Variants in ST6GALNAC3 observed in about 807,000 individuals in gnomAD.
ST6GALNAC3 encodes alpha-N-acetylgalactosaminide alpha-2,6-sialyltransferase 3.
In ST6GALNAC3, 25 loss-of-function variants were observed where a neutral mutation model predicts 32.7. The observed-to-expected ratio is 0.76, with a 90% CI of 0.56 to 1.07. ST6GALNAC3 has a LOEUF of 1.07. Ranked by LOEUF, ST6GALNAC3 falls within the 50% of genes least tolerant of loss-of-function variation. The probability of loss-of-function intolerance (pLI) is 0.00; values close to 1 mark genes in which losing one functional copy is unlikely to be tolerated. For missense variants in ST6GALNAC3, 355 were observed against 382.4 expected, an observed-to-expected ratio of 0.93 and a Z score of 0.60; for synonymous variants, 129 against 133.1, an observed-to-expected ratio of 0.97 and a Z score of 0.21.
At chr1:76,548,647 C>T (rs1664439478) in intron 3 of ST6GALNAC3, among the ~76,000 whole-genome samples, 2 of 152,086 alleles carry the variant, frequency 1.3e-5, no homozygotes, top group Non-Finnish European at 2.9e-5. Flanking sequence ...GTGTCACGTG[C>T]AAGATAGTCT....
chr1:76,615,878 G>A lies in ST6GALNAC3; in HGVS notation c.624-11574G>A, dbSNP rs534764606. On this transcript the variant is annotated intron_variant, in intron 3 of 4. Coordinates refer to ENST00000328299, the MANE Select transcript of ST6GALNAC3 (RefSeq NM_152996.4). ...GTGAAAGTTATCTGTCCTGCTTGAG[G>A]GAAAGAAATTACTACTGTTTTCTTC... Among the ~76,000 whole-genome samples the A allele has an allele frequency of 2.0e-5, 3 of 151,992 alleles. No homozygotes were observed. In the South Asian group the frequency reaches 6.2e-4, roughly 32 times the overall value.
chr1:76,310,509 G>A (rs1646740944), intron 1 of ST6GALNAC3, among the ~76,000 whole-genome samples: 2 of 152,092 alleles, frequency 1.3e-5, no homozygotes, highest in Admixed American at 1.3e-4. Flanking sequence ...CCAAATTATG[G>A]GAGGTGAGCA....
In ST6GALNAC3 at chr1:76,382,950, C is replaced by G. The variant is rs1320661538; in HGVS notation, c.214-29058C>G. On this transcript the variant is annotated intron_variant, in intron 2 of 4. Coordinates refer to ENST00000328299, the MANE Select transcript of ST6GALNAC3 (RefSeq NM_152996.4). ...AGCATAACTACAAATAAAAACTTACCTAGGTACGTTAGAACGAAACTGCTG... is the reference window on the plus strand; with the variant it reads ...AGCATAACTACAAATAAAAACTTACGTAGGTACGTTAGAACGAAACTGCTG... 2.6e-5 allele frequency among the ~76,000 whole-genome samples: 4 copies of G among 152,188 alleles called. No homozygotes were observed. In the East Asian group the frequency reaches 7.7e-4, roughly 29 times the overall value.
chr1:76,209,284 G>A (rs771821530), intron 1 of ST6GALNAC3, among the ~76,000 whole-genome samples: 30 of 152,300 alleles, frequency 2.0e-4, no homozygotes, highest in East Asian at 3.9e-4. Context: ...TGATAAAAGC[G>A]TGAATGTTTT....
intron 2 of ST6GALNAC3, among the ~76,000 whole-genome samples, chr1:76,364,019 A>C (rs1650170714): frequency 1.3e-5 from 2 of 152,220 alleles, no homozygotes; most frequent in South Asian, 4.1e-4. Flanking sequence ...ATACAGACCC[A>C]AAGCACCTTA....
At chr1:76,373,680 T>G (rs1401777062) in intron 2 of ST6GALNAC3, among the ~76,000 whole-genome samples, 1 of 152,186 alleles carries the variant, frequency 6.6e-6, no homozygotes, top group Non-Finnish European at 1.5e-5. Flanking sequence ...TACACATAAA[T>G]TTGGTTCAGG....
At chr1:76,184,865 G>T (rs1031037055) in intron 1 of ST6GALNAC3, among the ~76,000 whole-genome samples, 7 of 152,140 alleles carry the variant, frequency 4.6e-5, no homozygotes, top group Non-Finnish European at 1.0e-4. Flanking sequence ...TACAGGTAAA[G>T]ATTTGCTTTA....
At chr1:76,612,240 T>G (rs974189805) in intron 3 of ST6GALNAC3, among the ~76,000 whole-genome samples, 3 of 152,168 alleles carry the variant, frequency 2.0e-5, no homozygotes, top group African/African-American at 7.2e-5. Context: ...GGTCACCATT[T>G]CATTCCCCTC....
At chr1:76,433,851 G>C (rs1376793433) in intron 3 of ST6GALNAC3, among the ~76,000 whole-genome samples, 1 of 152,220 alleles carries the variant, frequency 6.6e-6, no homozygotes, top group African/African-American at 2.4e-5. Context: ...ATGACAATTA[G>C]TTTTGAAAGC....
intron 3 of ST6GALNAC3, among the ~76,000 whole-genome samples, chr1:76,563,244 G>A (rs76448642): frequency 0.015 from 2,208 of 152,270 alleles, 62 homozygotes; most frequent in African/African-American, 0.051. Flanking sequence ...ACAGAGACCC[G>A]GGGAAGGGGA....
At chr1:76,182,366 G>A (rs1378627676) in intron 1 of ST6GALNAC3, among the ~76,000 whole-genome samples, 2 of 152,158 alleles carry the variant, frequency 1.3e-5, no homozygotes, top group Non-Finnish European at 1.5e-5. Context: ...CTTTTCTGTA[G>A]CATGAAACTA....
intron 3 of ST6GALNAC3, among the ~76,000 whole-genome samples, chr1:76,510,120 G>A (rs545335668): frequency 1.3e-5 from 2 of 152,150 alleles, no homozygotes; most frequent in Non-Finnish European, 2.9e-5. Context: ...GCCCTGAAGT[G>A]TCATCTGCTG....
rs1410813798 is a variant in ST6GALNAC3 at position 76,601,903 on chromosome 1, G to A, written c.624-25549G>A. 2.0e-5 allele frequency among the ~76,000 whole-genome samples: 3 copies of A among 152,276 alleles called. No homozygotes were observed. The South Asian group carries it at 6.2e-4, about 32-fold the overall frequency. The stretch of plus-strand genomic sequence containing the variant: ...GAGGAAGTCCTGCTAGAAGTAGACA[G>A]AGCAAAATCCAATACTGGGTCCTGG... On this transcript the variant is annotated intron_variant, in intron 3 of 4. Coordinates refer to ENST00000328299, the MANE Select transcript of ST6GALNAC3 (RefSeq NM_152996.4).
intron 1 of ST6GALNAC3, among the ~76,000 whole-genome samples, chr1:76,231,557 A>C (rs1656363919): frequency 6.6e-6 from 1 of 152,132 alleles, no homozygotes; most frequent in Non-Finnish European, 1.5e-5. Flanking sequence ...GAGCTTGACT[A>C]TTCTAGATAC....
intron 1 of ST6GALNAC3, among the ~76,000 whole-genome samples, chr1:76,205,631 T>A (rs1654778536): frequency 6.6e-6 from 1 of 152,144 alleles, no homozygotes; most frequent in Non-Finnish European, 1.5e-5. Flanking sequence ...CTCGCTGCTG[T>A]TTTGATGTTG....
intron 1 of ST6GALNAC3, among the ~76,000 whole-genome samples, chr1:76,272,334 A>AAC (rs1410251631): frequency 3.3e-5 from 5 of 151,610 alleles, no homozygotes; most frequent in Non-Finnish European, 7.4e-5. Flanking sequence ...GAAAAAAAAA[A>AAC]AAAAAAAAAA....
chr1:76,353,610 G>T (rs530728293), intron 2 of ST6GALNAC3: 50 of 156,614 alleles, frequency 3.2e-4, no homozygotes, highest in African/African-American at 1.2e-3. Flanking sequence ...GGACCAGGCT[G>T]CAGGTGAGGC....
At chr1:76,500,518 G>GT (rs2101723370) in intron 3 of ST6GALNAC3, among the ~76,000 whole-genome samples, 1 of 152,194 alleles carries the variant, frequency 6.6e-6, no homozygotes, top group East Asian at 1.9e-4. Context: ...TGAAAGGCTT[G>GT]TTTTTACAAT....
chr1:76,401,922 A>G (rs1417225546), intron 2 of ST6GALNAC3, among the ~76,000 whole-genome samples: 2 of 152,156 alleles, frequency 1.3e-5, no homozygotes, highest in Non-Finnish European at 2.9e-5. Flanking sequence ...TCCTTCCAGA[A>G]TTACTAATGC....
Sources: gnomAD v4.1 joint callset for allele counts (sites outside exome capture counted in the v4.1 genomes callset) on GRCh38, gnomAD v4.1.1 for gene constraint, MANE v1.5 for transcripts, NCBI Gene and HGNC (gene_info 2026-07-23, HGNC 2026-07-21) for gene names.